The following FAT3 variants were observed in gnomAD, a reference collection of about 807,000 sequenced individuals.
FAT3 encodes FAT atypical cadherin 3.
A neutral mutation model predicts 310.2 loss-of-function variants in FAT3; 95 were observed. That is an observed-to-expected ratio of 0.31 (90% CI 0.26 to 0.36). The LOEUF (loss-of-function observed/expected upper bound fraction) is 0.36, where lower values mean the gene tolerates loss of function less well. Among genes scored for constraint, FAT3 ranks in the 10% least tolerant of loss-of-function variants. FAT3 has a pLI of 1.00. For missense variants in FAT3, 5,408 were observed against 5,715.6 expected, an observed-to-expected ratio of 0.95 and a Z score of 1.74; for synonymous variants, 2,314 against 2,192.9, an observed-to-expected ratio of 1.06 and a Z score of -1.54.
intron 3 of FAT3, among the ~76,000 whole-genome samples, chr11:92,633,340 C>T (rs1222682905): frequency 6.6e-6 from 1 of 152,034 alleles, no homozygotes; most frequent in East Asian, 1.9e-4. Flanking sequence ...CCCCAGATAA[C>T]AGAAAATGTG....
rs779903362 is a variant in FAT3, at chr11:92,654,207, A to G, written c.3608-43177A>G. Reference sequence around the variant, plus strand: ...CCTCAGAATCCCAACCCACCTTTCAATCTGGTTTCCCATTAATTCTTTTCA... The same window carrying G: ...CCTCAGAATCCCAACCCACCTTTCAGTCTGGTTTCCCATTAATTCTTTTCA... On this transcript the variant is annotated intron_variant, in intron 3 of 27. Coordinates refer to ENST00000525166, the MANE Select transcript of FAT3 (RefSeq NM_001367949.2). 4.6e-5 allele frequency among the ~76,000 whole-genome samples: 7 copies of G among 152,178 alleles called. No homozygotes were observed. In the East Asian group the frequency reaches 1.3e-3, roughly 29 times the overall value.
chr11:92,285,114 T>A (rs1717565435), intron 1 of FAT3, among the ~76,000 whole-genome samples: 1 of 152,038 alleles, frequency 6.6e-6, no homozygotes, highest in Admixed American at 6.6e-5. Context: ...ATATCTAGAA[T>A]ATGAATTAGG....
intron 17 of FAT3, among the ~76,000 whole-genome samples, chr11:92,840,276 A>G (rs1166842546): frequency 6.6e-6 from 1 of 152,208 alleles, no homozygotes; most frequent in Non-Finnish European, 1.5e-5. Flanking sequence ...CGGAACCTGT[A>G]AACCCAGGCA....
chr11:92,859,148 C>A lies in FAT3; in HGVS notation c.11501-17C>A. The stretch of plus-strand genomic sequence containing the variant: ...GATGTTAAAAATATATATGTCTTCT[C>A]ATAACGGTCTTTTCAGGGCACACTT... On this transcript the variant is annotated splice_polypyrimidine_tract_variant and intron_variant, in intron 20 of 27. Transcript: ENST00000525166. 1.2e-6 allele frequency: 2 copies of A among 1,610,222 alleles called. No homozygotes were observed. Among genetic ancestry groups the A allele is most frequent in the South Asian group, 1.1e-5 (1 of 90,684 alleles).
intron 3 of FAT3, among the ~76,000 whole-genome samples, chr11:92,654,780 T>C (rs1001180067): frequency 6.6e-6 from 1 of 152,214 alleles, no homozygotes; most frequent in Non-Finnish European, 1.5e-5. Context: ...CAGTTCCACA[T>C]AGCAGCTAAA....
intron 3 of FAT3, among the ~76,000 whole-genome samples, chr11:92,536,795 G>C (rs1954273653): frequency 6.6e-6 from 1 of 152,144 alleles, no homozygotes; most frequent in Non-Finnish European, 1.5e-5. Flanking sequence ...TAAGTGGACT[G>C]TGATGGGGCT....
chr11:92,880,643 A>G, intron 22 of FAT3, 88 bp from the exon 23 acceptor site: 1 of 1,435,046 alleles, frequency 7.0e-7, no homozygotes, highest in Non-Finnish European at 9.3e-7. Context: ...CGGTTCAACA[A>G]AGAATTAGGA....
chr11:92,747,124 C>T (rs897821581), intron 4 of FAT3, among the ~76,000 whole-genome samples: 4 of 152,218 alleles, frequency 2.6e-5, no homozygotes, highest in African/African-American at 9.6e-5. Context: ...CCCACATTTT[C>T]CTTCTGAACT....
At chr11:92,230,170 C>T (rs1864108274) in intron 1 of FAT3, among the ~76,000 whole-genome samples, 1 of 152,150 alleles carries the variant, frequency 6.6e-6, no homozygotes, top group African/African-American at 2.4e-5. Context: ...GTTTCTTTAA[C>T]TTTTGCCTTT....
chr11:92,831,573 T>A (rs1257417958), intron 13 of FAT3, 49 bp from the exon 14 acceptor site: 8 of 1,522,024 alleles, frequency 5.3e-6, no homozygotes, highest in Non-Finnish European at 7.1e-6. Context: ...CTAGTGCAGA[T>A]CATCTGGCCA....
intron 1 of FAT3, among the ~76,000 whole-genome samples, chr11:92,350,342 A>T (rs1205028701): frequency 1.4e-5 from 2 of 145,814 alleles, no homozygotes; most frequent in Non-Finnish European, 3.0e-5. Flanking sequence ...AATATGTTAA[A>T]CTCCTGTAGG....
chr11:92,271,016 T>G lies in FAT3; in HGVS notation c.-18+45842T>G, dbSNP rs116357484. ...CAAAGCAGGCCACTTCTCGTCATTT[T>G]TGTTATTATAACCCCTGTTCAAGCC... On this transcript the variant is annotated intron_variant, in intron 1 of 27. Transcript: ENST00000525166. Among the ~76,000 whole-genome samples the G allele has an allele frequency of 6.9e-3, 1,045 of 152,224 alleles. 14 individuals carry two copies. The highest frequency in any genetic ancestry group is 0.023 in the African/African-American group (961 of 41,566).
At chr11:92,701,984 G>A (rs1944109360) in intron 4 of FAT3, among the ~76,000 whole-genome samples, 2 of 152,178 alleles carry the variant, frequency 1.3e-5, no homozygotes, top group Admixed American at 6.5e-5. Context: ...TTAAGGTAGT[G>A]TGGGAAAGCT....
chr11:92,561,883 C>T (rs1404521268), intron 3 of FAT3, among the ~76,000 whole-genome samples: 1 of 152,158 alleles, frequency 6.6e-6, no homozygotes, highest in South Asian at 2.1e-4. Flanking sequence ...ATCTCAGCCT[C>T]CCAAAGTGCT....
intron 3 of FAT3, among the ~76,000 whole-genome samples, chr11:92,687,314 A>G (rs927792128): frequency 6.6e-6 from 1 of 152,184 alleles, no homozygotes; most frequent in Non-Finnish European, 1.5e-5. Flanking sequence ...TTCCTTGTCC[A>G]TACAGCTAAA....
chr11:92,472,165 G>A (rs1951927719), intron 2 of FAT3, among the ~76,000 whole-genome samples: 1 of 151,944 alleles, frequency 6.6e-6, no homozygotes, highest in Non-Finnish European at 1.5e-5. Context: ...TAACTCTTAA[G>A]CTAAATGAGC....
chr11:92,739,076 CA>C (rs934811781), intron 4 of FAT3, among the ~76,000 whole-genome samples: 16 of 152,204 alleles, frequency 1.1e-4, no homozygotes, highest in African/African-American at 3.1e-4. Flanking sequence ...AGACTTGGGC[CA>C]ACCTAGGGAT....
At chr11:92,350,394 C>A (rs1948532543) in intron 1 of FAT3, among the ~76,000 whole-genome samples, 1 of 150,516 alleles carries the variant, frequency 6.6e-6, no homozygotes, top group Admixed American at 6.6e-5. Context: ...ACTAGAACTA[C>A]ATTAAAACCA....
At chr11:92,417,329 A>G (rs1348557141) in intron 2 of FAT3, among the ~76,000 whole-genome samples, 2 of 152,218 alleles carry the variant, frequency 1.3e-5, no homozygotes, top group African/African-American at 4.8e-5. Context: ...ACACACTCTC[A>G]AATTCAATAT....
Sources: allele counts gnomAD v4.1 joint callset (sites outside exome capture counted in the v4.1 genomes callset), GRCh38; gene constraint gnomAD v4.1.1; transcripts MANE v1.5; gene names NCBI Gene and HGNC (gene_info 2026-07-23, HGNC 2026-07-21).